Variants in GPC5 observed in about 807,000 individuals in gnomAD.
GPC5 encodes glypican-5.
Under a neutral mutation model 53.9 loss-of-function variants are expected in GPC5, and 47 were observed. The observed-to-expected ratio is 0.87, with a 90% CI of 0.69 to 1.11. The LOEUF (loss-of-function observed/expected upper bound fraction) is 1.11, where lower values mean the gene tolerates loss of function less well. Among genes scored for constraint, GPC5 ranks in the 50% most tolerant of loss-of-function variants. The pLI is 0.00. For missense variants in GPC5, 748 were observed against 713.1 expected (o/e 1.05, Z -0.56); for synonymous variants, 286 against 263.3 (o/e 1.09, Z -0.84).
At chr13:91,535,436 T>G (rs576652801) in intron 2 of GPC5, among the ~76,000 whole-genome samples, 1 of 152,332 alleles carries the variant, frequency 6.6e-6, no homozygotes, top group East Asian at 1.9e-4. Context: ...TGTCTTCTTG[T>G]CTGTCAAGAG....
intron 6 of GPC5, among the ~76,000 whole-genome samples, chr13:92,025,359 G>A (rs2040792714): frequency 6.6e-6 from 1 of 151,984 alleles, no homozygotes; most frequent in Non-Finnish European, 1.5e-5. Flanking sequence ...ACACTTCTGT[G>A]TACACAGAGA....
intron 7 of GPC5, among the ~76,000 whole-genome samples, chr13:92,504,984 T>C (rs975521235): frequency 6.6e-6 from 1 of 151,392 alleles, no homozygotes; most frequent in Non-Finnish European, 1.5e-5. Flanking sequence ...TTTATATATA[T>C]ATATGTGCAT....
At position 91,860,754 on chromosome 13, in the gene GPC5, G is replaced by A. The variant is rs1036654251; in HGVS notation, c.1281-47183G>A. Among the ~76,000 whole-genome samples, 4 of 152,018 alleles carry A rather than the reference G, an allele frequency of 2.6e-5. No individual in the cohort carries two copies. The South Asian group carries it at 8.3e-4, about 32-fold the overall frequency. On this transcript the variant is annotated intron_variant, in intron 5 of 7. Transcript: ENST00000377067. ...TGACCTCCAGTGATCCGCCTACCTC[G>A]GCCTTCCAAAGTGCTGGGATTACAG... is the stretch of plus-strand genomic sequence containing the variant.
At chr13:92,153,393 C>G (rs932558154) in intron 7 of GPC5, among the ~76,000 whole-genome samples, 2 of 152,194 alleles carry the variant, frequency 1.3e-5, no homozygotes, top group African/African-American at 4.8e-5. Context: ...CTGCCTCAGC[C>G]TCCCAAAGTG....
At chr13:92,454,382 T>C (rs1878183909) in intron 7 of GPC5, among the ~76,000 whole-genome samples, 1 of 152,228 alleles carries the variant, frequency 6.6e-6, no homozygotes, top group Non-Finnish European at 1.5e-5. Context: ...TTATCTGTAG[T>C]ATTTTTCTGT....
intron 7 of GPC5, among the ~76,000 whole-genome samples, chr13:92,591,586 T>C (rs1170023041): frequency 6.6e-6 from 1 of 152,208 alleles, no homozygotes; most frequent in East Asian, 1.9e-4. Flanking sequence ...ATAGTTGTCA[T>C]TTTTGTGATG....
chr13:91,663,069 T>A (rs372998036), intron 2 of GPC5, among the ~76,000 whole-genome samples: 3 of 152,160 alleles, frequency 2.0e-5, no homozygotes, highest in Non-Finnish European at 4.4e-5. Flanking sequence ...GGAGGAGAGA[T>A]CTTAATCAAG....
chr13:92,295,976 G>A (rs1250579538), intron 7 of GPC5, among the ~76,000 whole-genome samples: 1 of 152,140 alleles, frequency 6.6e-6, no homozygotes, highest in African/African-American at 2.4e-5. Context: ...GAAATGTGAG[G>A]TACCATTCCA....
In GPC5 at chr13:92,400,987, G is replaced by T. The variant is rs181753661; in HGVS notation, c.1561+255998G>T. Among the ~76,000 whole-genome samples the T allele has an allele frequency of 3.3e-5, 5 of 152,068 alleles. No individual in the cohort carries two copies. In the East Asian group the frequency reaches 9.7e-4, roughly 29 times the overall value. On this transcript the variant is annotated intron_variant, in intron 7 of 7. Transcript: ENST00000377067. ...GTATGTTCTGAGGCAGATGGAAGTTGTTGCCTTTGATTTCAAAATACCCCT... is the reference window on the plus strand; with the variant it reads ...GTATGTTCTGAGGCAGATGGAAGTTTTTGCCTTTGATTTCAAAATACCCCT...
intron 7 of GPC5, among the ~76,000 whole-genome samples, chr13:92,796,854 C>T: frequency 6.6e-6 from 1 of 152,052 alleles, no homozygotes; most frequent in African/African-American, 2.4e-5. Flanking sequence ...ATAACCCTCA[C>T]ATTTCTAACT....
chr13:91,575,251 T>G (rs1005783972), intron 2 of GPC5, among the ~76,000 whole-genome samples: 3 of 152,174 alleles, frequency 2.0e-5, no homozygotes, highest in Non-Finnish European at 4.4e-5. Flanking sequence ...TTTCATTTTC[T>G]TTCTTGGAAC....
chr13:92,292,023 G>A (rs1290492515), intron 7 of GPC5, among the ~76,000 whole-genome samples: 9 of 152,224 alleles, frequency 5.9e-5, no homozygotes, highest in Non-Finnish European at 1.3e-4. Context: ...TGAAGTCAGT[G>A]AGACCAAGAA....
At chr13:92,235,538 C>T (rs927873030) in intron 7 of GPC5, among the ~76,000 whole-genome samples, 5 of 152,098 alleles carry the variant, frequency 3.3e-5, no homozygotes, top group South Asian at 4.2e-4. Flanking sequence ...AGTTGGATTT[C>T]GTAAATTTAA....
chr13:92,385,780 T>TATAC (rs1351163884), intron 7 of GPC5, among the ~76,000 whole-genome samples: 2 of 27,308 alleles, frequency 7.3e-5, no homozygotes, highest in African/African-American at 4.0e-4. Context: ...TATATACATA[T>TATAC]ATGTATATAT....
chr13:91,990,309 T>G (rs2040445617), intron 6 of GPC5, among the ~76,000 whole-genome samples: 1 of 152,182 alleles, frequency 6.6e-6, no homozygotes, highest in Non-Finnish European at 1.5e-5. Flanking sequence ...GATCTGGGTT[T>G]GAAACAACCC....
chr13:91,409,608 T>C (rs1013132219), intron 1 of GPC5, among the ~76,000 whole-genome samples: 2 of 152,244 alleles, frequency 1.3e-5, no homozygotes, highest in African/African-American at 4.8e-5. Flanking sequence ...AGCAGACTTG[T>C]CACCTTATTT....
chr13:92,676,488 G>A (rs193116073), intron 7 of GPC5, among the ~76,000 whole-genome samples: 286 of 152,108 alleles, frequency 1.9e-3, no homozygotes, highest in African/African-American at 6.8e-3. Flanking sequence ...TCTTTTTCAA[G>A]ATTTCTTCAA....
In GPC5 at chr13:91,555,847, G is replaced by A. The variant is rs530851980; in HGVS notation, c.325+106925G>A. On this transcript the variant is annotated intron_variant, in intron 2 of 7. Transcript: ENST00000377067. ...TATAAAACCATCAAATCTCCTGAAA[G>A]TTATTCACTACCATGAGACCAGTAT... Among the ~76,000 whole-genome samples, 20 of 152,108 alleles carry A rather than the reference G, an allele frequency of 1.3e-4. 1 individual carries two copies. In the South Asian group the frequency reaches 3.7e-3, roughly 28 times the overall value.
chr13:92,655,076 C>G (rs191463900), intron 7 of GPC5, among the ~76,000 whole-genome samples: 1 of 152,268 alleles, frequency 6.6e-6, no homozygotes, highest in Admixed American at 6.5e-5. Flanking sequence ...GATTTTCCCT[C>G]AGAGCCTTCA....
Sources: allele counts gnomAD v4.1 joint callset (sites outside exome capture counted in the v4.1 genomes callset), GRCh38; gene constraint gnomAD v4.1.1; transcripts MANE v1.5; gene names NCBI Gene and HGNC (gene_info 2026-07-23, HGNC 2026-07-21).